MEAK7: variants seen among roughly 807,000 people sequenced by gnomAD.
MEAK7 encodes MTOR associated protein MEAK7.
In MEAK7, 68 loss-of-function variants were observed where a neutral mutation model predicts 40.5. The ratio of observed to expected loss-of-function variants is 1.68; its 90% CI spans 1.38 to 2.06. MEAK7 has a LOEUF of 2.06. Ranked by LOEUF, MEAK7 falls within the 30% of genes most tolerant of loss-of-function variation. The probability of loss-of-function intolerance (pLI) is 0.00; values close to 1 mark genes in which losing one functional copy is unlikely to be tolerated. For synonymous variants in MEAK7, 338 were observed against 231.9 expected, an observed-to-expected ratio of 1.46 and a Z score of -4.16; for missense variants, 918 against 580.5, an observed-to-expected ratio of 1.58 and a Z score of -5.98.
chr16:84,503,141 C>A (rs148658482), intron 1 of MEAK7, among the ~76,000 whole-genome samples: 1 of 152,286 alleles, frequency 6.6e-6, no homozygotes, highest in African/African-American at 2.4e-5. Context: ...ACTGGAAGAA[C>A]TGTCTTGGGC....
chr16:84,489,142 A>C, intron 4 of MEAK7, 136 bp downstream of exon 4: 1 of 1,175,242 alleles, frequency 8.5e-7, no homozygotes, highest in East Asian at 2.9e-5. Flanking sequence ...TATGCCAACA[A>C]ACTAGAAAAC....
intron 2 of MEAK7, among the ~76,000 whole-genome samples, chr16:84,496,556 C>A (rs1022720583): frequency 3.9e-5 from 6 of 152,156 alleles, no homozygotes; most frequent in African/African-American, 1.2e-4. Context: ...GACCAAGAAC[C>A]CTGGTGTTCT....
At chr16:84,482,468 A>G (rs1912648274) in intron 6 of MEAK7, 124 bp downstream of exon 6, 3 of 1,486,288 alleles carry the variant, frequency 2.0e-6, no homozygotes, top group South Asian at 1.3e-5. Context: ...GGAACTGGAC[A>G]TGGCGTGCGT....
At position 84,483,408 on chromosome 16, in the gene MEAK7, T is replaced by C. The variant is rs571225822; in HGVS notation, c.959-698A>G. ...TCCCAGCGAGGGACACTTCCCACCA[T>C]GTTCTGAGGACTTGGCCGGAAGGGC... On this transcript the variant is annotated intron_variant, in intron 5 of 7. Transcript: ENST00000343629. Among the ~76,000 whole-genome samples the C allele has an allele frequency of 2.3e-4, 35 of 152,336 alleles. 1 individual carries two copies. The highest frequency in any genetic ancestry group is 1.8e-3 in the Admixed American group (28 of 15,306).
At position 84,477,146 on chromosome 16, in the gene MEAK7, C is replaced by T. The variant is rs1462137802; in HGVS notation, c.*2767G>A. On this transcript the variant is annotated 3_prime_UTR_variant, in exon 8 of 8. Coordinates refer to ENST00000343629, the MANE Select transcript of MEAK7 (RefSeq NM_020947.4). ...CTGGGCTCAAGCAATCGGCCTGCCTCAAGCTCCCAAAATGCTGGGATTACA... is the reference window on the plus strand; with the variant it reads ...CTGGGCTCAAGCAATCGGCCTGCCTTAAGCTCCCAAAATGCTGGGATTACA... 2 of 152,298 alleles carry T rather than the reference C, an allele frequency of 1.3e-5. No homozygotes were observed. The highest frequency in any genetic ancestry group is 4.8e-5 in the African/African-American group (2 of 41,388). 9.4% of individuals were successfully genotyped at this position (152,298 alleles called of 1,614,324 possible).
chr16:84,488,446 A>C (rs998547795), intron 4 of MEAK7: 1 of 152,194 alleles, frequency 6.6e-6, no homozygotes, highest in African/African-American at 2.4e-5. Flanking sequence ...AATCCCAATT[A>C]AATTTAAATA....
chr16:84,504,280 T>C (rs1914718812), intron 1 of MEAK7: 20 of 491,956 alleles, frequency 4.1e-5, no homozygotes, highest in Non-Finnish European at 5.0e-5. Context: ...AGGCTCTGAA[T>C]CCCCCTTCAA....
intron 1 of MEAK7, 101 bp from the exon 2 acceptor site, chr16:84,498,212 GC>G: frequency 7.4e-7 from 1 of 1,358,018 alleles, no homozygotes; most frequent in African/African-American, 1.5e-5. Context: ...TACTGATATA[GC>G]CACAAAATGT....
intron 4 of MEAK7, chr16:84,487,271 T>C: frequency 1.9e-6 from 1 of 532,328 alleles, no homozygotes; most frequent in Non-Finnish European, 3.3e-6. Flanking sequence ...AATATCTCAA[T>C]TTTTAAATAT....
rs141408964 is a variant in MEAK7, at chr16:84,497,564, A to C, written c.153+370T>G. 16 of 1,297,218 alleles carry C rather than the reference A, an allele frequency of 1.2e-5. No individual in the cohort carries two copies. In the African/African-American group the frequency reaches 2.1e-4, roughly 17 times the overall value. 80.4% of individuals were successfully genotyped at this position (1,297,218 alleles called of 1,614,324 possible). On this transcript the variant is annotated intron_variant, in intron 2 of 7. Coordinates refer to ENST00000343629, the MANE Select transcript of MEAK7 (RefSeq NM_020947.4). The stretch of plus-strand genomic sequence containing the variant: ...GTTCAAGAGACACACGAGGCAGGCT[A>C]TCTCTCTCCTCTGATGTTCATCTCA...
intron 4 of MEAK7, chr16:84,488,042 C>T (rs1462110492): frequency 1.3e-5 from 2 of 152,136 alleles, no homozygotes; most frequent in African/African-American, 2.4e-5. Flanking sequence ...TGTAAAAGTA[C>T]TCCCAACTTC....
At position 84,497,148 on chromosome 16, in the gene MEAK7, G is replaced by C. The variant is rs2052903; in HGVS notation, c.153+786C>G. ...CTCACTGGATGTAACCCCCTGGCCA[G>C]TTTCCTCATCTGCTCCCATGCTGCA... is the stretch of plus-strand genomic sequence containing the variant. On this transcript the variant is annotated intron_variant, in intron 2 of 7. Coordinates refer to ENST00000343629, the MANE Select transcript of MEAK7 (RefSeq NM_020947.4). The C allele has an allele frequency of 1.7e-3, 408 of 246,814 alleles. 3 individuals are homozygous for C. Among genetic ancestry groups the C allele is most frequent in the African/African-American group, 8.8e-3 (388 of 44,200 alleles). 15.3% of individuals were successfully genotyped at this position (246,814 alleles called of 1,614,324 possible). A position where few individuals can be genotyped will look rare whatever the true frequency, so the allele number is the denominator to read the frequency against.
At chr16:84,489,453 A>T in intron 3 of MEAK7, 31 bp from the exon 4 acceptor site, 1 of 1,585,460 alleles carries the variant, frequency 6.3e-7, no homozygotes, top group Non-Finnish European at 8.6e-7. Flanking sequence ...CATTAAAAAC[A>T]GTTCCACCAT....
At chr16:84,484,337 C>T (rs755833220) in intron 5 of MEAK7, among the ~76,000 whole-genome samples, 4 of 152,166 alleles carry the variant, frequency 2.6e-5, no homozygotes, top group African/African-American at 7.2e-5. Flanking sequence ...CCCAAGCGTG[C>T]GGCCACCAGC....
At chr16:84,485,584 G>T (rs1245439640) in intron 5 of MEAK7, among the ~76,000 whole-genome samples, 3 of 152,228 alleles carry the variant, frequency 2.0e-5, no homozygotes, top group Non-Finnish European at 4.4e-5. Flanking sequence ...CTCAAGTACA[G>T]AGGACAGCCC....
chr16:84,489,287 T>A lies in MEAK7; in HGVS notation c.520A>T (p.Lys174Ter). 6.2e-7 allele frequency: 1 copy of A among 1,614,008 alleles called. No individual in the cohort carries two copies. The highest frequency in any genetic ancestry group is 8.5e-7 in the Non-Finnish European group (1 of 1,179,940). Residue 174 changes from lysine (K) to a stop codon, truncating the protein, a stop_gained, in exon 4 of 8, where the codon AAG (lysine) becomes TAG (stop). Transcript: ENST00000343629. LOFTEE classifies it high-confidence loss of function. ...VLAAQLLSDM[K>*]LQDGKRLLGP... Reference sequence around the variant, plus strand: ...GTCCACGCACACTTGCCTTGCAGCTTCATGTCAGAGAGCAGCTGAGCAGCC... The same window carrying A: ...GTCCACGCACACTTGCCTTGCAGCTACATGTCAGAGAGCAGCTGAGCAGCC...
At chr16:84,485,123 T>C (rs1314713381) in intron 5 of MEAK7, among the ~76,000 whole-genome samples, 1 of 152,170 alleles carries the variant, frequency 6.6e-6, no homozygotes, top group African/African-American at 2.4e-5. Flanking sequence ...ACATGCCCTA[T>C]GCCTGTGACA....
chr16:84,495,588 T>G, intron 3 of MEAK7, 95 bp downstream of exon 3: 2 of 1,209,610 alleles, frequency 1.7e-6, no homozygotes, highest in Non-Finnish European at 2.4e-6. Context: ...CTTTTTGGTT[T>G]ACTCCTCCAT....
chr16:84,494,364 T>C (rs1913870468), intron 3 of MEAK7, among the ~76,000 whole-genome samples: 2 of 152,228 alleles, frequency 1.3e-5, no homozygotes, highest in African/African-American at 4.8e-5. Context: ...CAATTTGGAC[T>C]GAACCCTAGA....
Sources: allele counts gnomAD v4.1 joint callset (sites outside exome capture counted in the v4.1 genomes callset), GRCh38; gene constraint gnomAD v4.1.1; transcripts MANE v1.5; gene names NCBI Gene and HGNC (gene_info 2026-07-23, HGNC 2026-07-21).